Variants in INTS8 observed in about 807,000 individuals in gnomAD.
The protein encoded by INTS8 is protein kaonashi-1.
INTS8 carries 47 observed loss-of-function variants against 138.9 expected under a neutral mutation model. The observed-to-expected ratio is 0.34, with a 90% CI of 0.27 to 0.43. The LOEUF is 0.43. Ranked by LOEUF, INTS8 falls within the 20% of genes least tolerant of loss-of-function variation. The pLI is 1.00. For synonymous variants in INTS8, 392 were observed against 400.9 expected, an observed-to-expected ratio of 0.98 and a Z score of 0.27; for missense variants, 996 against 1,173.0, an observed-to-expected ratio of 0.85 and a Z score of 2.20.
At chr8:94,876,416 CAGAT>C in intron 25 of INTS8, 26 bp from the exon 26 acceptor site, 1 of 1,446,860 alleles carries the variant, frequency 6.9e-7, no homozygotes, top group South Asian at 1.2e-5. Context: ...TTAATACTAT[CAGAT>C]TTATTTTCCT....
chr8:94,826,404 C>T (rs1814505383), intron 2 of INTS8, among the ~76,000 whole-genome samples: 1 of 152,162 alleles, frequency 6.6e-6, no homozygotes, highest in Non-Finnish European at 1.5e-5. Context: ...GCCTCAGCCT[C>T]CCGAGTAGCT....
chr8:94,847,231 G>T (rs980638517), intron 10 of INTS8, among the ~76,000 whole-genome samples: 43 of 152,042 alleles, frequency 2.8e-4, no homozygotes, highest in African/African-American at 9.9e-4. Flanking sequence ...TATTAGAGAC[G>T]GGGTTTTACC....
chr8:94,842,270 G>A, intron 9 of INTS8, 77 bp from the exon 10 acceptor site: 1 of 929,168 alleles, frequency 1.1e-6, no homozygotes, highest in Admixed American at 2.8e-5. Context: ...GCTCATTCTT[G>A]TGAATATAGT....
intron 8 of INTS8, among the ~76,000 whole-genome samples, chr8:94,840,533 G>GT (rs776804220): frequency 8.2e-5 from 12 of 146,092 alleles, no homozygotes; most frequent in Non-Finnish European, 1.5e-4. Flanking sequence ...TTGTTAGCAT[G>GT]TTTTTTCAGC....
chr8:94,873,454 C>T lies in INTS8; in HGVS notation c.2614C>T (p.Pro872Ser). The change falls in exon 22 of 27, where the codon CCC (proline) becomes TCC (serine). Residue 872 changes from proline to serine, a missense_variant. Physicochemically the swap from Pro to Ser is moderately conservative, Grantham distance 74. Transcript: ENST00000523731. Reference sequence around the variant, plus strand: ...TTCTGACTTCTTTAACAAGGCTGTGCCCCCTGATGTTTATACAGACCAGGT... The same window carrying T: ...TTCTGACTTCTTTAACAAGGCTGTGTCCCCTGATGTTTATACAGACCAGGT... ...VCSDFFNKAV[P>S]PDVYTDQVIK... is the part of the protein sequence containing the mutation. 2 of 1,612,380 alleles carry T rather than the reference C, an allele frequency of 1.2e-6. No individual in the cohort carries two copies. The highest frequency in any genetic ancestry group is 1.7e-6 in the Non-Finnish European group (2 of 1,178,422).
At chr8:94,835,890 G>A (rs1410836089) in intron 6 of INTS8, among the ~76,000 whole-genome samples, 6 of 152,150 alleles carry the variant, frequency 3.9e-5, no homozygotes, top group Non-Finnish European at 7.4e-5. Flanking sequence ...GAGCCACTGC[G>A]CCCAGCCAGG....
At chr8:94,855,656 ATT>A in intron 14 of INTS8, among the ~76,000 whole-genome samples, 1 of 152,348 alleles carries the variant, frequency 6.6e-6, no homozygotes, top group Non-Finnish European at 1.5e-5. Context: ...AAGGTGTTAA[ATT>A]GTCCAAGGGC....
Position 94,838,519 on chromosome 8 carries a change from T to C in INTS8, c.918T>C (p.Cys306=). 1 of 1,613,484 alleles carries C rather than the reference T, an allele frequency of 6.2e-7. No homozygotes were observed. The highest frequency in any genetic ancestry group is 8.5e-7 in the Non-Finnish European group (1 of 1,179,370). Residue 306 remains cysteine, a synonymous_variant, in exon 8 of 27, where the codon TGT becomes TGC. Coordinates refer to ENST00000523731, the MANE Select transcript of INTS8 (RefSeq NM_017864.4). ...ATGAGAAGCGGTTAGCTGGCTATTG[T>C]CAAGCATGTGATGTTCTTGTACCTT... ...TIDEKRLAGY[C]QACDVLVPSS...
At chr8:94,866,854 G>C (rs1319769958) in intron 18 of INTS8, 6 of 325,602 alleles carry the variant, frequency 1.8e-5, no homozygotes, top group Non-Finnish European at 2.2e-5. Flanking sequence ...TATTTTAAGG[G>C]ATAAAAAGTT....
intron 8 of INTS8, among the ~76,000 whole-genome samples, chr8:94,840,854 G>A (rs1815107757): frequency 6.6e-6 from 1 of 151,684 alleles, no homozygotes; most frequent in African/African-American, 2.4e-5. Context: ...ACCGTGTCTG[G>A]CCATTTAATT....
intron 17 of INTS8, among the ~76,000 whole-genome samples, 168 bp from the exon 18 acceptor site, chr8:94,865,990 A>C (rs757088944): frequency 1.3e-5 from 2 of 152,238 alleles, no homozygotes; most frequent in Non-Finnish European, 2.9e-5. Flanking sequence ...CATGTGATTA[A>C]AACAGGGAAG....
intron 7 of INTS8, 44 bp downstream of exon 7, chr8:94,836,675 A>C (rs1158242445): frequency 8.5e-7 from 1 of 1,178,336 alleles, no homozygotes; most frequent in South Asian, 1.3e-5. Flanking sequence ...GTTCTTTAAA[A>C]CATCTATACA....
intron 21 of INTS8, 88 bp from the exon 22 acceptor site, chr8:94,873,286 C>G: frequency 1.1e-6 from 1 of 883,736 alleles, no homozygotes; most frequent in Non-Finnish European, 1.9e-6. Flanking sequence ...CTTTTGTTAA[C>G]TTATGAAGTT....
intron 22 of INTS8, 44 bp from the exon 23 acceptor site, chr8:94,874,508 A>C: frequency 9.2e-7 from 1 of 1,082,092 alleles, no homozygotes; most frequent in Non-Finnish European, 1.4e-6. Flanking sequence ...GTTAGAATCC[A>C]TGTTAGCTGG....
rs1019417795 is a variant in INTS8, at chr8:94,881,454, A to G, written c.*1220A>G. The G allele has an allele frequency of 3.4e-6, 2 of 592,942 alleles. No homozygotes were observed. The highest frequency in any genetic ancestry group is 5.8e-6 in the Non-Finnish European group (2 of 344,162). 36.7% of individuals were successfully genotyped at this position (592,942 alleles called of 1,614,324 possible). On this transcript the variant is annotated 3_prime_UTR_variant, in exon 27 of 27. Transcript: ENST00000523731. ...GTTTCTTTAACAGCTAACATAGGAA[A>G]TAATTAAATGTATTCTTTAGTGCCA...
intron 2 of INTS8, among the ~76,000 whole-genome samples, chr8:94,826,346 A>G (rs553517241): frequency 6.6e-6 from 1 of 151,824 alleles, no homozygotes; most frequent in Non-Finnish European, 1.5e-5. Flanking sequence ...CAGTGGCGCG[A>G]TATTCGCTCA....
rs1197122600 is a variant in INTS8, at chr8:94,824,982, G to C, written c.220G>C (p.Asp74His). Residue 74 changes from aspartate (D) to histidine (H), a missense_variant, in exon 2 of 27, where the codon GAT becomes CAT. By Grantham distance (81) the Asp-to-His change is moderately conservative. Coordinates refer to ENST00000523731, the MANE Select transcript of INTS8 (RefSeq NM_017864.4). Reference protein sequence around the residue: ...NEQNQVQPPPDNKRNRILKLL... With the variant: ...NEQNQVQPPPHNKRNRILKLL... ...ACAAAACCAAGTTCAACCTCCGCCT[G>C]ATAACAAGAGAAATCGTATTTTAAA... is the stretch of plus-strand genomic sequence containing the variant. 12 of 1,612,598 alleles carry C rather than the reference G, an allele frequency of 7.4e-6. No individual in the cohort carries two copies. Among genetic ancestry groups the C allele is most frequent in the Non-Finnish European group, 1.0e-5 (12 of 1,178,798 alleles).
chr8:94,873,263 T>C (rs1816460904), intron 21 of INTS8, 111 bp from the exon 22 acceptor site: 4 of 790,586 alleles, frequency 5.1e-6, no homozygotes, highest in Non-Finnish European at 9.2e-6. Context: ...TCTAGTTCTG[T>C]GGTTTGAATC....
At chr8:94,854,889 G>A (rs1016184128) in intron 14 of INTS8, among the ~76,000 whole-genome samples, 2 of 149,944 alleles carry the variant, frequency 1.3e-5, no homozygotes, top group Non-Finnish European at 3.0e-5. Context: ...GTGCCACCAT[G>A]CCCAGCTTAT....
Sources: gnomAD v4.1 joint callset for allele counts (sites outside exome capture counted in the v4.1 genomes callset) on GRCh38, gnomAD v4.1.1 for gene constraint, MANE v1.5 for transcripts, NCBI Gene and HGNC (gene_info 2026-07-23, HGNC 2026-07-21) for gene names.